The following FBXL13 variants were observed in gnomAD, a reference collection of about 807,000 sequenced individuals.
The protein encoded by FBXL13 is F-box and leucine-rich repeat protein 13.
In FBXL13, 67 loss-of-function variants were observed where a neutral mutation model predicts 83.6. The ratio of observed to expected loss-of-function variants is 0.80; its 90% CI spans 0.66 to 0.98. FBXL13 has a LOEUF of 0.98. Ranked by LOEUF, FBXL13 falls within the 50% of genes least tolerant of loss-of-function variation. The probability of loss-of-function intolerance (pLI) is 0.00; values close to 1 mark genes in which losing one functional copy is unlikely to be tolerated. For missense variants in FBXL13, 822 were observed against 866.5 expected, an observed-to-expected ratio of 0.95 and a Z score of 0.64; for synonymous variants, 272 against 299.5, an observed-to-expected ratio of 0.91 and a Z score of 0.95.
chr7:102,976,280 T>G lies in FBXL13; in HGVS notation c.496-8163A>C, dbSNP rs1488247489. Reference sequence around the variant, plus strand: ...AATACCAGGGCAACCTATTCTGCTTTCCCTAATTTTTCAGGACCCACCCAG... The same window carrying G: ...AATACCAGGGCAACCTATTCTGCTTGCCCTAATTTTTCAGGACCCACCCAG... On this transcript the variant is annotated intron_variant, in intron 6 of 19. Coordinates refer to ENST00000313221, the Ensembl canonical transcript of FBXL13. The G allele has an allele frequency of 8.8e-6, 6 of 682,058 alleles. No homozygotes were observed. In the East Asian group the frequency reaches 1.5e-4, roughly 17 times the overall value. 42.3% of individuals were successfully genotyped at this position (682,058 alleles called of 1,614,324 possible). A position where few individuals can be genotyped will look rare whatever the true frequency, so the allele number is the denominator to read the frequency against.
rs184108778 is a variant in FBXL13, at chr7:102,910,527, G to T, written c.1008+2559C>A. 2.0e-4 allele frequency among the ~76,000 whole-genome samples: 30 copies of T among 151,946 alleles called. No individual in the cohort carries two copies. In the East Asian group the frequency reaches 5.4e-3, roughly 28 times the overall value. ...ATCTCTGTTTTCCAGTTTGTCACGG[G>T]CTCTCAACTGTAAATAGCCTATGCC... On this transcript the variant is annotated intron_variant, in intron 11 of 19. Transcript: ENST00000313221.
intron 16 of FBXL13, chr7:102,857,569 T>G (rs1311001990): frequency 6.5e-6 from 1 of 152,904 alleles, no homozygotes; most frequent in African/African-American, 2.4e-5. Flanking sequence ...TGTGTGTCCC[T>G]CCCCAAAGCT....
intron 6 of FBXL13, among the ~76,000 whole-genome samples, chr7:102,997,732 G>T (rs756519832): frequency 2.0e-5 from 3 of 152,124 alleles, no homozygotes; most frequent in Non-Finnish European, 4.4e-5. Flanking sequence ...CATCCATATT[G>T]CTGCAAATGA....
At chr7:103,035,200 T>C (rs112111611) in intron 2 of FBXL13, among the ~76,000 whole-genome samples, 2,573 of 152,276 alleles carry the variant, frequency 0.017, 46 homozygotes, top group Non-Finnish European at 0.024. Context: ...CAGGCAGACA[T>C]TGGGGCTCTT....
rs1216479644 is a variant in FBXL13, at chr7:102,883,688, T to C, written c.1108-3A>G. The C allele has an allele frequency of 6.4e-7, 1 of 1,564,866 alleles. No homozygotes were observed. ...CGAGAGCATTTTTCAACTAAAGCCTTTAGAAGAAAAAAATGATTAAATTAA... is the reference window on the plus strand; with the variant it reads ...CGAGAGCATTTTTCAACTAAAGCCTCTAGAAGAAAAAAATGATTAAATTAA... On this transcript the variant is annotated splice_region_variant and splice_polypyrimidine_tract_variant and intron_variant, in intron 12 of 19. Coordinates refer to ENST00000313221, the Ensembl canonical transcript of FBXL13.
intron 2 of FBXL13, among the ~76,000 whole-genome samples, chr7:103,044,997 G>A (rs1173806509): frequency 1.3e-5 from 2 of 152,230 alleles, no homozygotes; most frequent in African/African-American, 4.8e-5. Context: ...CGAATTAAAT[G>A]TAAAGGAATT....
At chr7:102,836,513 T>A (rs1360613498) in intron 17 of FBXL13, among the ~76,000 whole-genome samples, 1 of 152,244 alleles carries the variant, frequency 6.6e-6, no homozygotes, top group Non-Finnish European at 1.5e-5. Flanking sequence ...TGCTGCTGAT[T>A]TTCTTTCCTT....
intron 18 of FBXL13, among the ~76,000 whole-genome samples, chr7:102,829,267 G>A (rs1800244532): frequency 6.6e-6 from 1 of 152,194 alleles, no homozygotes; most frequent in South Asian, 2.1e-4. Context: ...CTATCTGTAA[G>A]TAATCTGCTT....
At chr7:102,867,380 C>CA (rs147694128) in intron 16 of FBXL13, among the ~76,000 whole-genome samples, 6 of 149,896 alleles carry the variant, frequency 4.0e-5, no homozygotes, top group African/African-American at 7.4e-5. Flanking sequence ...AACAAACAAA[C>CA]AAAAAAAAAG....
chr7:102,958,142 C>G (rs866751928), intron 8 of FBXL13, among the ~76,000 whole-genome samples: 1 of 152,042 alleles, frequency 6.6e-6, no homozygotes, highest in Admixed American at 6.6e-5. Flanking sequence ...AACCCAAATG[C>G]CCATCAATGA....
chr7:103,006,932 A>T (rs1440702299), intron 6 of FBXL13, among the ~76,000 whole-genome samples: 1 of 152,178 alleles, frequency 6.6e-6, no homozygotes, highest in Non-Finnish European at 1.5e-5. Flanking sequence ...GATCAATACA[A>T]TATCTGTAAT....
At chr7:102,942,398 C>T (rs1001212399) in intron 8 of FBXL13, 3 of 1,402,924 alleles carry the variant, frequency 2.1e-6, no homozygotes, top group Non-Finnish European at 1.9e-6. Context: ...GAATAACAAT[C>T]ATATAAAATG....
At position 102,959,517 on chromosome 7, in the gene FBXL13, A is replaced by T. The variant is rs149238547; in HGVS notation, c.724+4016T>A. 5.1e-3 allele frequency among the ~76,000 whole-genome samples: 781 copies of T among 152,160 alleles called. 36 individuals are homozygous for T. The East Asian group carries it at 0.11, about 22-fold the overall frequency. ...TGAAAAGTTATATACAAATGGTATT[A>T]GATTTTATATATAATATATAGCTCT... On this transcript the variant is annotated intron_variant, in intron 8 of 19. Transcript: ENST00000313221.
chr7:102,881,804 C>T (rs1337518763), intron 14 of FBXL13, among the ~76,000 whole-genome samples: 2 of 152,190 alleles, frequency 1.3e-5, no homozygotes, highest in African/African-American at 4.8e-5. Context: ...CTTCCAGGCT[C>T]ACTCACATGG....
chr7:103,019,574 T>C (rs541155472), intron 6 of FBXL13, among the ~76,000 whole-genome samples: 1 of 152,176 alleles, frequency 6.6e-6, no homozygotes, highest in South Asian at 2.1e-4. Context: ...GACAGACGGA[T>C]AGCAAGACTC....
intron 8 of FBXL13, among the ~76,000 whole-genome samples, chr7:102,935,884 G>C (rs1820208930): frequency 6.6e-6 from 1 of 152,212 alleles, no homozygotes; most frequent in African/African-American, 2.4e-5. Context: ...TTAAGGGCAA[G>C]AGAAAGGGGA....
At chr7:102,847,750 A>G (rs1480725498) in intron 17 of FBXL13, among the ~76,000 whole-genome samples, 1 of 152,086 alleles carries the variant, frequency 6.6e-6, no homozygotes, top group African/African-American at 2.4e-5. Flanking sequence ...GCTGGTCTCA[A>G]ACTCCTGGCC....
chr7:102,971,979 T>C lies in FBXL13; in HGVS notation c.496-3862A>G, dbSNP rs146082687. Among the ~76,000 whole-genome samples, 132 of 151,732 alleles carry C rather than the reference T, an allele frequency of 8.7e-4. 1 individual carries two copies. Among genetic ancestry groups the C allele is most frequent in the African/African-American group, 3.1e-3 (128 of 41,278 alleles). On this transcript the variant is annotated intron_variant, in intron 6 of 19. Transcript: ENST00000313221. The stretch of plus-strand genomic sequence containing the variant: ...AGGCAGAGGTTGCAGTGAGCCAAGA[T>C]TGTGCCACTGCATTCCAGCCTGGGA...
At chr7:102,832,772 C>T in intron 18 of FBXL13, 68 bp downstream of exon 19, 7 of 1,582,570 alleles carry the variant, frequency 4.4e-6, no homozygotes, top group Non-Finnish European at 5.2e-6. Flanking sequence ...CAGCCCTGAT[C>T]GCTGTCCTGC....
Sources: gnomAD v4.1 joint callset for allele counts (sites outside exome capture counted in the v4.1 genomes callset) on GRCh38, gnomAD v4.1.1 for gene constraint, MANE v1.5 for transcripts, NCBI Gene and HGNC (gene_info 2026-07-23, HGNC 2026-07-21) for gene names.